The following GRIK4 variants were observed in gnomAD, a reference collection of about 807,000 sequenced individuals.
The protein encoded by GRIK4 is glutamate receptor ionotropic, kainate 4.
In GRIK4, 40 loss-of-function variants were observed where a neutral mutation model predicts 104.9. That is an observed-to-expected ratio of 0.38 (90% CI 0.30 to 0.50). The LOEUF (loss-of-function observed/expected upper bound fraction) is 0.50, where lower values mean the gene tolerates loss of function less well. Ranked by LOEUF, GRIK4 falls within the 20% of genes least tolerant of loss-of-function variation. The probability of loss-of-function intolerance (pLI) is 0.93; values close to 1 mark genes in which losing one functional copy is unlikely to be tolerated. For missense variants in GRIK4, 1,047 were observed against 1,308.1 expected (o/e 0.80, Z 3.08); for synonymous variants, 485 against 524.9 (o/e 0.92, Z 1.04).
rs201361565 is a variant in GRIK4, at chr11:120,802,794, G to A, written c.184G>A (p.Ala62Thr). Residue 62 changes from alanine (A) to threonine (T), a missense_variant, in exon 4 of 21, where the codon GCC (alanine) becomes ACC (threonine). Coordinates refer to ENST00000527524, the MANE Select transcript of GRIK4 (RefSeq NM_014619.5). ...INRAPERLGK[A>T]KVEVDIFELL... ...CCGCGCTCCTGAGAGGCTGGGCAAG[G>A]CCAAGGTCGAAGTGGACATCTTTGA... The A allele has an allele frequency of 1.9e-6, 3 of 1,614,202 alleles. No homozygotes were observed. In the African/African-American group the frequency reaches 4.0e-5, roughly 22 times the overall value.
chr11:120,933,015 A>G (rs1011433337), intron 13 of GRIK4, among the ~76,000 whole-genome samples: 6 of 152,226 alleles, frequency 3.9e-5, no homozygotes, highest in Non-Finnish European at 8.8e-5. Context: ...GTTTGGAGGA[A>G]GGGACTGGGG....
At chr11:120,920,911 T>C (rs1943214091) in intron 13 of GRIK4, among the ~76,000 whole-genome samples, 1 of 152,154 alleles carries the variant, frequency 6.6e-6, no homozygotes, top group Non-Finnish European at 1.5e-5. Context: ...CATCTCTGCA[T>C]CTCCCCTCAA....
At chr11:120,682,730 GCCTCTT>G (rs1187026580) in intron 3 of GRIK4, among the ~76,000 whole-genome samples, 2 of 151,720 alleles carry the variant, frequency 1.3e-5, no homozygotes, top group Non-Finnish European at 2.9e-5. Flanking sequence ...TAGATATGTG[GCCTCTT>G]CCCTGCTTAA....
At chr11:120,799,072 C>T (rs1033848380) in intron 3 of GRIK4, among the ~76,000 whole-genome samples, 1 of 152,172 alleles carries the variant, frequency 6.6e-6, no homozygotes, top group Non-Finnish European at 1.5e-5. Flanking sequence ...GAGGCAGAGG[C>T]AGGCCCAGCG....
At chr11:120,575,047 C>T (rs1478396638) in intron 1 of GRIK4, among the ~76,000 whole-genome samples, 1 of 152,192 alleles carries the variant, frequency 6.6e-6, no homozygotes, top group Non-Finnish European at 1.5e-5. Flanking sequence ...TCCTGCATAG[C>T]CTTCTAAGAG....
chr11:120,967,891 C>T lies in GRIK4; in HGVS notation c.2395+568C>T, dbSNP rs997859003. Among the ~76,000 whole-genome samples the T allele has an allele frequency of 6.6e-6, 1 of 152,122 alleles. No individual in the cohort carries two copies. The highest frequency in any genetic ancestry group is 2.4e-5 in the African/African-American group (1 of 41,430). ...CCAGGGCCTGTGCACCTGTTCCCTCCTCCTGGCCTTCCCTCGAAGAGCTCT... is the reference window on the plus strand; with the variant it reads ...CCAGGGCCTGTGCACCTGTTCCCTCTTCCTGGCCTTCCCTCGAAGAGCTCT... On this transcript the variant is annotated intron_variant, in intron 19 of 20. Coordinates refer to ENST00000527524, the MANE Select transcript of GRIK4 (RefSeq NM_014619.5). The surrounding 1 kb of genome is among the most constrained non-coding windows in gnomAD (Gnocchi z 4.2).
chr11:120,726,779 G>GGC lies in GRIK4; in HGVS notation c.82+66379_82+66380insGC, dbSNP rs1319565132. On this transcript the variant is annotated intron_variant, in intron 3 of 20. Coordinates refer to ENST00000527524, the MANE Select transcript of GRIK4 (RefSeq NM_014619.5). Reference sequence around the variant, plus strand: ...GCAGGCTGGGGATAAACATTTGAAAGTCATCAACAGGAGAGCCTCTGGTAA... The same window carrying GGC: ...GCAGGCTGGGGATAAACATTTGAAAGGCTCATCAACAGGAGAGCCTCTGGTAA... Among the ~76,000 whole-genome samples, 878 of 152,294 alleles carry GGC rather than the reference G, an allele frequency of 5.8e-3. 13 individuals are homozygous for GGC. Among genetic ancestry groups the GGC allele is most frequent in the African/African-American group, 0.02 (822 of 41,570 alleles).
At chr11:120,980,428 A>G (rs1042790271) in intron 19 of GRIK4, among the ~76,000 whole-genome samples, 2 of 152,198 alleles carry the variant, frequency 1.3e-5, no homozygotes, top group Non-Finnish European at 1.5e-5. Context: ...GCTCCTTGGT[A>G]CATTCCCTTT....
chr11:120,717,777 C>G (rs959729258), intron 3 of GRIK4, among the ~76,000 whole-genome samples: 4 of 152,228 alleles, frequency 2.6e-5, no homozygotes, highest in Admixed American at 2.0e-4. Context: ...GGAAGCCCAG[C>G]CGCCCAGCCT....
rs971164939 is a variant in GRIK4, at chr11:120,723,487, C to T, written c.82+63087C>T. On this transcript the variant is annotated intron_variant, in intron 3 of 20. Transcript: ENST00000527524. ...CATTAACCAGCTCTATGGCCTCGGG[C>T]AAATCCCTGAATCAAAGAAGGTCAA... Among the ~76,000 whole-genome samples the T allele has an allele frequency of 2.0e-5, 3 of 152,168 alleles. No individual in the cohort carries two copies. In the South Asian group the frequency reaches 6.2e-4, roughly 32 times the overall value.
intron 3 of GRIK4, among the ~76,000 whole-genome samples, chr11:120,778,749 C>T (rs751191424): frequency 6.4e-4 from 97 of 152,168 alleles, no homozygotes; most frequent in East Asian, 5.8e-4. Flanking sequence ...ACACAGGGGC[C>T]GATGAGCCCC....
At chr11:120,809,412 G>C (rs956854076) in intron 4 of GRIK4, among the ~76,000 whole-genome samples, 1 of 152,172 alleles carries the variant, frequency 6.6e-6, no homozygotes, top group Non-Finnish European at 1.5e-5. Flanking sequence ...GCATGCAGGG[G>C]TTCCAGAGCT....
At chr11:120,576,900 G>A (rs75089928) in intron 1 of GRIK4, among the ~76,000 whole-genome samples, 12 of 152,308 alleles carry the variant, frequency 7.9e-5, no homozygotes, top group African/African-American at 2.9e-4. Flanking sequence ...TCTTGCCTTA[G>A]CTCCTGCCTG....
At chr11:120,682,995 C>G (rs920529089) in intron 3 of GRIK4, among the ~76,000 whole-genome samples, 2 of 152,078 alleles carry the variant, frequency 1.3e-5, no homozygotes, top group African/African-American at 4.8e-5. Context: ...ATACTGCTCC[C>G]CCTCTCTCTT....
chr11:120,656,334 G>A (rs755068831), intron 2 of GRIK4, among the ~76,000 whole-genome samples: 40 of 152,188 alleles, frequency 2.6e-4, no homozygotes, highest in Non-Finnish European at 5.1e-4. Flanking sequence ...AGCTAGTCAT[G>A]TATCTTTTCT....
At chr11:120,584,808 C>G (rs1026194580) in intron 1 of GRIK4, among the ~76,000 whole-genome samples, 8 of 152,204 alleles carry the variant, frequency 5.3e-5, no homozygotes, top group African/African-American at 1.9e-4. Context: ...TTTTCTGCAT[C>G]TATTGAGATG....
At chr11:120,639,788 T>C (rs748540560) in intron 1 of GRIK4, among the ~76,000 whole-genome samples, 9 of 152,232 alleles carry the variant, frequency 5.9e-5, no homozygotes, top group African/African-American at 1.7e-4. Flanking sequence ...AAAACTCTTT[T>C]CAAATTGCAG....
chr11:120,682,749 C>G (rs1950217478), intron 3 of GRIK4, among the ~76,000 whole-genome samples: 1 of 151,978 alleles, frequency 6.6e-6, no homozygotes, highest in South Asian at 2.1e-4. Flanking sequence ...CTGCTTAAAC[C>G]CTTCCCCATG....
At chr11:120,880,327 G>T (rs1333877012) in intron 11 of GRIK4, among the ~76,000 whole-genome samples, 2 of 152,206 alleles carry the variant, frequency 1.3e-5, no homozygotes, top group Non-Finnish European at 2.9e-5. Context: ...TGTGCTGAGT[G>T]GTGTAAGTAT....
Sources: allele counts gnomAD v4.1 joint callset (sites outside exome capture counted in the v4.1 genomes callset), GRCh38; gene constraint gnomAD v4.1.1; non-coding constraint Gnocchi (gnomAD v3.1); transcripts MANE v1.5; gene names NCBI Gene and HGNC (gene_info 2026-07-23, HGNC 2026-07-21).